Variants in SGCE observed in about 807,000 individuals in gnomAD.
The protein encoded by SGCE is sarcoglycan epsilon.
Under a neutral mutation model 57.8 loss-of-function variants are expected in SGCE, and 26 were observed. The ratio of observed to expected loss-of-function variants is 0.45; its 90% confidence interval spans 0.33 to 0.62. The LOEUF is 0.62. Among genes scored for constraint, SGCE ranks in the 20% least tolerant of loss-of-function variants. SGCE has a pLI of 0.02. For missense variants in SGCE, 468 were observed against 548.6 expected (o/e 0.85, Z 1.47); for synonymous variants, 183 against 189.5 (o/e 0.97, Z 0.28).
At chr7:94,602,659 TATA>T (rs1164397335) in intron 6 of SGCE, among the ~76,000 whole-genome samples, 4 of 146,072 alleles carry the variant, frequency 2.7e-5, no homozygotes, top group East Asian at 1.9e-4. Context: ...TATACAGACA[TATA>T]ATATAAAATA....
At chr7:94,633,632 A>G (rs987919718) in intron 1 of SGCE, among the ~76,000 whole-genome samples, 5 of 152,174 alleles carry the variant, frequency 3.3e-5, no homozygotes, top group Non-Finnish European at 7.4e-5. Context: ...GCAAAAAAAA[A>G]GGGAGCTCAT....
chr7:94,610,799 T>G (rs2116810226), intron 5 of SGCE, among the ~76,000 whole-genome samples: 1 of 152,234 alleles, frequency 6.6e-6, no homozygotes, highest in South Asian at 2.1e-4. Context: ...CTCTTACAAC[T>G]TAATCAAAAA....
intron 5 of SGCE, among the ~76,000 whole-genome samples, chr7:94,606,775 C>T (rs949742008): frequency 2.0e-5 from 3 of 151,956 alleles, no homozygotes; most frequent in South Asian, 2.1e-4. Context: ...TCTCAGACCC[C>T]GGTAGAATTA....
At chr7:94,642,748 G>A (rs1376426748) in intron 1 of SGCE, among the ~76,000 whole-genome samples, 2 of 152,118 alleles carry the variant, frequency 1.3e-5, no homozygotes, top group Non-Finnish European at 2.9e-5. Context: ...CAACTAGAAG[G>A]ACAAGAAACA....
Position 94,620,505 on chromosome 7 carries a change from C to T in SGCE, c.464-1549G>A, listed in dbSNP as rs142947530. On this transcript the variant is annotated intron_variant, in intron 4 of 10. Coordinates refer to ENST00000648936, the MANE Select transcript of SGCE (RefSeq NM_003919.3). Reference sequence around the variant, plus strand: ...ACAGATAAATAGCTTAATCATGCTACATTTATCTGCATACCTAGAAATAGT... The same window carrying T: ...ACAGATAAATAGCTTAATCATGCTATATTTATCTGCATACCTAGAAATAGT... 4.2e-3 allele frequency: 633 copies of T among 152,184 alleles called. 3 individuals carry two copies. The highest frequency in any genetic ancestry group is 0.014 in the African/African-American group (565 of 41,516). The allele number at this position is 152,184 out of a possible 1,614,324, so 9.4% of individuals were successfully genotyped here. A position where few individuals can be genotyped will look rare whatever the true frequency, so the allele number is the denominator to read the frequency against.
At chr7:94,653,114 G>A (rs1035352476) in intron 1 of SGCE, among the ~76,000 whole-genome samples, 7 of 151,962 alleles carry the variant, frequency 4.6e-5, no homozygotes, top group African/African-American at 1.2e-4. Context: ...TTTTGAAATC[G>A]TTTTCTAAAA....
chr7:94,618,758 C>T lies in SGCE; in HGVS notation c.662G>A (p.Gly221Asp). Reference sequence around the variant, plus strand: ...GGCAATGAGATAAAGATCTGCTTACCCCTCCTTCAGGTCATTAATGGGAAG... The same window carrying T: ...GGCAATGAGATAAAGATCTGCTTACTCCTCCTTCAGGTCATTAATGGGAAG... ...VPLPINDLKE[G>D]VYVMVGADVP... Residue 221 changes from glycine (G) to aspartate (D), a missense_variant and splice_region_variant, in exon 5 of 11, where the codon GGC becomes GAC. By Grantham distance (94) the Gly-to-Asp change is moderately conservative. Coordinates refer to ENST00000648936, the MANE Select transcript of SGCE (RefSeq NM_003919.3). 6.2e-7 allele frequency: 1 copy of T among 1,611,930 alleles called. No homozygotes were observed. Among genetic ancestry groups the T allele is most frequent in the Non-Finnish European group, 8.5e-7 (1 of 1,178,266 alleles).
intron 10 of SGCE, chr7:94,587,436 T>C: frequency 6.3e-5 from 74 of 1,171,416 alleles, no homozygotes; most frequent in Non-Finnish European, 7.7e-5. Flanking sequence ...ATAGAAATCT[T>C]AGGCGAGATG....
At chr7:94,627,124 T>G (rs1803846685) in intron 3 of SGCE, 1 of 152,016 alleles carries the variant, frequency 6.6e-6, no homozygotes, top group African/African-American at 2.4e-5. Context: ...GATTTATAGA[T>G]AGAAATCACT....
rs727504150 is a variant in SGCE at position 94,618,803 on chromosome 7, T to C, written c.617A>G (p.Asp206Gly). The C allele has an allele frequency of 6.2e-7, 1 of 1,613,956 alleles. No individual in the cohort carries two copies. Among genetic ancestry groups the C allele is most frequent in the Non-Finnish European group, 8.5e-7 (1 of 1,179,984 alleles). ...GGGAAGTGGCACCCTGCCACCCCTG[T>C]CTAGGGCCGATGTGATGTTTATGGC... ...LNAINITSAL[D>G]RGGRVPLPIN... Residue 206 changes from aspartate (D) to glycine (G), a missense_variant, in exon 5 of 11, where the codon GAC becomes GGC. Coordinates refer to ENST00000648936, the MANE Select transcript of SGCE (RefSeq NM_003919.3).
At chr7:94,594,742 CTCTACA>C (rs1309722414) in intron 9 of SGCE, among the ~76,000 whole-genome samples, 1 of 152,064 alleles carries the variant, frequency 6.6e-6, no homozygotes, top group East Asian at 1.9e-4. Flanking sequence ...TTTCCTGTAC[CTCTACA>C]ATCATTCCAA....
intron 1 of SGCE, among the ~76,000 whole-genome samples, chr7:94,633,905 C>T (rs956324626): frequency 6.6e-6 from 1 of 152,160 alleles, no homozygotes; most frequent in African/African-American, 2.4e-5. Flanking sequence ...CCCTTCACTA[C>T]AAAAATGTCC....
At chr7:94,628,984 T>C (rs745666021) in intron 2 of SGCE, 2 of 152,770 alleles carry the variant, frequency 1.3e-5, no homozygotes, top group East Asian at 1.9e-4. Context: ...GCTAACTATA[T>C]TGTGGAAGAG....
chr7:94,609,336 C>T (rs894816499), intron 5 of SGCE, among the ~76,000 whole-genome samples: 7 of 152,154 alleles, frequency 4.6e-5, no homozygotes, highest in Admixed American at 6.5e-5. Context: ...AGACCAGCCT[C>T]GCCAAAATGG....
chr7:94,616,643 T>C (rs1801969954), intron 5 of SGCE, among the ~76,000 whole-genome samples: 2 of 152,166 alleles, frequency 1.3e-5, no homozygotes, highest in Admixed American at 1.3e-4. Context: ...TAGTTAAGCA[T>C]TGGATTTTTT....
chr7:94,599,225 C>A lies in SGCE; in HGVS notation c.1065-262G>T, dbSNP rs1584524155. 1.7e-5 allele frequency: 6 copies of A among 352,692 alleles called. No individual in the cohort carries two copies. In the East Asian group the frequency reaches 3.1e-4, roughly 18 times the overall value. The allele number at this position is 352,692 out of a possible 1,614,324, so 21.8% of individuals were successfully genotyped here. On this transcript the variant is annotated intron_variant, in intron 8 of 10. Transcript: ENST00000648936. The stretch of plus-strand genomic sequence containing the variant: ...TGAAGCATTGTATTAATATTACTGT[C>A]CTAAGTAACCAACTAGTTTTCTATT...
At chr7:94,654,404 TAAAC>T (rs1228112379) in intron 1 of SGCE, among the ~76,000 whole-genome samples, 5 of 152,138 alleles carry the variant, frequency 3.3e-5, no homozygotes, top group Admixed American at 2.0e-4. Flanking sequence ...CTTTCGAATT[TAAAC>T]AAACAAACAA....
chr7:94,589,730 G>A (rs951319006), intron 9 of SGCE: 2 of 176,640 alleles, frequency 1.1e-5, no homozygotes, highest in Non-Finnish European at 2.3e-5. Context: ...TCTAATGCCT[G>A]ATGATCTGTC....
At chr7:94,623,703 T>C (rs1408188301) in intron 3 of SGCE, 3 of 413,980 alleles carry the variant, frequency 7.2e-6, no homozygotes, top group African/African-American at 6.2e-5. Flanking sequence ...GGATTAACCA[T>C]TATGAATTAC....
Sources: gnomAD v4.1 joint callset for allele counts (sites outside exome capture counted in the v4.1 genomes callset) on GRCh38, gnomAD v4.1.1 for gene constraint, MANE v1.5 for transcripts, NCBI Gene and HGNC (gene_info 2026-07-23, HGNC 2026-07-21) for gene names.